The following IP6K3 variants were observed in gnomAD, a reference collection of about 807,000 sequenced individuals.
The protein encoded by IP6K3 is ATP:1D-myo-inositol-hexakisphosphate phosphotransferase.
IP6K3 carries 20 observed loss-of-function variants against 28.8 expected under a neutral mutation model. The ratio of observed to expected loss-of-function variants is 0.70; its 90% CI spans 0.49 to 1.01. The LOEUF is 1.01. Ranked by LOEUF, IP6K3 falls within the 50% of genes least tolerant of loss-of-function variation. IP6K3 has a pLI of 0.00. For missense variants in IP6K3, 480 were observed against 537.1 expected (o/e 0.89, Z 1.05); for synonymous variants, 213 against 221.3 (o/e 0.96, Z 0.33).
At chr6:33,723,962 G>A (rs1490697341) in intron 5 of IP6K3, among the ~76,000 whole-genome samples, 1 of 152,168 alleles carries the variant, frequency 6.6e-6, no homozygotes, top group African/African-American at 2.4e-5. Context: ...GGCAGCAGCT[G>A]AGGCTGAACT....
At chr6:33,755,949 C>G in the IP6K3 span, among the ~76,000 whole-genome samples, 1 of 152,236 alleles carries the variant, frequency 6.6e-6, no homozygotes, top group African/African-American at 2.4e-5. Context: ...ACTGCAACCT[C>G]CACCTCCTGG....
chr6:33,758,478 A>G, the IP6K3 span, among the ~76,000 whole-genome samples: 1 of 152,220 alleles, frequency 6.6e-6, no homozygotes, highest in African/African-American at 2.4e-5. Flanking sequence ...GTGAGCCATG[A>G]TGGCACCACT....
At position 33,722,912 on chromosome 6, in the gene IP6K3, C is replaced by T; in HGVS notation, c.1041G>A (p.Glu347=). The T allele has an allele frequency of 6.2e-7, 1 of 1,613,864 alleles. No homozygotes were observed. The highest frequency in any genetic ancestry group is 1.1e-5 in the South Asian group (1 of 91,048). ...AGCTACCGTGGGCTGCCTGGGGAGC[C>T]TCGTGAGGATGCGGGCTGCCTGGGG... ...ERAPGSPHPH[E]APQAAHGSSP... is the part of the protein sequence containing the mutation. Residue 347 remains glutamate (E), a synonymous_variant, in exon 6 of 6, where the codon GAG becomes GAA. Coordinates refer to ENST00000293756, the MANE Select transcript of IP6K3 (RefSeq NM_054111.5).
chr6:33,735,004 T>C (rs558256126), intron 2 of IP6K3, among the ~76,000 whole-genome samples: 2 of 152,262 alleles, frequency 1.3e-5, no homozygotes, highest in South Asian at 4.1e-4. Context: ...GGAGACTGGG[T>C]GGGACCAGGG....
At chr6:33,741,298 G>T (rs80289162) in intron 1 of IP6K3, among the ~76,000 whole-genome samples, 1 of 152,178 alleles carries the variant, frequency 6.6e-6, no homozygotes, top group Non-Finnish European at 1.5e-5. Flanking sequence ...CATCCTGCCT[G>T]ATGCACTAAC....
upstream of IP6K3, among the ~76,000 whole-genome samples, chr6:33,747,883 G>A (rs1766956483): frequency 1.3e-5 from 2 of 152,162 alleles, no homozygotes; most frequent in African/African-American, 4.8e-5. This position sits in a 1 kb window ranked among gnomAD's most constrained non-coding sequence, Gnocchi z 5.2. Flanking sequence ...AGCCTGGTTG[G>A]GAGAGGGGGC....
rs1004619965 is a variant in IP6K3 at position 33,744,759 on chromosome 6, A to G, written c.-180+1999T>C. Among the ~76,000 whole-genome samples the G allele has an allele frequency of 6.6e-6, 1 of 152,234 alleles. No homozygotes were observed. Among genetic ancestry groups the G allele is most frequent in the African/African-American group, 2.4e-5 (1 of 41,458 alleles). ...AGCTGAAGTTCTGCCTCCACCAGGC[A>G]GATGTTTTTGAAAAGCTCAGAAGCC... On this transcript the variant is annotated intron_variant, in intron 1 of 5. Coordinates refer to ENST00000293756, the MANE Select transcript of IP6K3 (RefSeq NM_054111.5). The surrounding 1 kb of genome is among the most constrained non-coding windows in gnomAD (Gnocchi z 4.4).
chr6:33,729,241 G>A (rs1561902536), intron 2 of IP6K3, among the ~76,000 whole-genome samples: 2 of 152,258 alleles, frequency 1.3e-5, no homozygotes, highest in South Asian at 2.1e-4. Context: ...CGTGGAGCTT[G>A]GCCTCCAGTG....
Position 33,742,322 on chromosome 6 carries a change from G to T in IP6K3, c.-180+4436C>A, listed in dbSNP as rs1766755519. Among the ~76,000 whole-genome samples, 1 of 152,190 alleles carries T rather than the reference G, an allele frequency of 6.6e-6. No homozygotes were observed. Among genetic ancestry groups the T allele is most frequent in the African/African-American group, 2.4e-5 (1 of 41,456 alleles). ...TGTCTCTGGGAGTCTCGGAGACCCA[G>T]GACCAAGACCCAAGTCAGGCTCTTA... On this transcript the variant is annotated intron_variant, in intron 1 of 5. Transcript: ENST00000293756. This position sits in a 1 kb window ranked among gnomAD's most constrained non-coding sequence, Gnocchi z 4.5.
At chr6:33,758,528 A>G in the IP6K3 span, among the ~76,000 whole-genome samples, 3 of 152,270 alleles carry the variant, frequency 2.0e-5, no homozygotes, top group South Asian at 4.2e-4. Flanking sequence ...AAAAGCAAAA[A>G]CAGAAACCTC....
intron 2 of IP6K3, among the ~76,000 whole-genome samples, chr6:33,732,108 T>C (rs1766342249): frequency 6.6e-6 from 1 of 152,240 alleles, no homozygotes; most frequent in African/African-American, 2.4e-5. Context: ...GGGTCAATTG[T>C]TAACCAACTG....
chr6:33,728,849 C>G (rs555081628), intron 2 of IP6K3, among the ~76,000 whole-genome samples: 3 of 152,336 alleles, frequency 2.0e-5, no homozygotes, highest in Admixed American at 2.0e-4. Flanking sequence ...CTCTCACAGC[C>G]TTCCAGGGCT....
rs185113370 is a variant in IP6K3 at position 33,733,101 on chromosome 6, C to T, written c.199+2177G>A. Among the ~76,000 whole-genome samples, 603 of 152,314 alleles carry T rather than the reference C, an allele frequency of 4.0e-3. 6 individuals carry two copies. The highest frequency in any genetic ancestry group is 0.013 in the African/African-American group (526 of 41,566). ...TCCACCTGCAGGCAGAGTAGGTGGC[C>T]GGCTAGGTGGTTTCTGAAGGGTGTC... On this transcript the variant is annotated intron_variant, in intron 2 of 5. Transcript: ENST00000293756.
chr6:33,747,495 T>G (rs1444130496), upstream of IP6K3, among the ~76,000 whole-genome samples: 1 of 152,084 alleles, frequency 6.6e-6, no homozygotes, highest in South Asian at 2.1e-4. This position sits in a 1 kb window ranked among gnomAD's most constrained non-coding sequence, Gnocchi z 5.2. Context: ...AGGATAAGTG[T>G]CTGGTGAGAG....
chr6:33,755,382 G>C, the IP6K3 span, among the ~76,000 whole-genome samples: 1 of 152,246 alleles, frequency 6.6e-6, no homozygotes, highest in African/African-American at 2.4e-5. Context: ...GGCAGTGACA[G>C]TGTCCCCAAG....
At chr6:33,733,885 G>A (rs1490260814) in intron 2 of IP6K3, among the ~76,000 whole-genome samples, 5 of 152,188 alleles carry the variant, frequency 3.3e-5, no homozygotes, top group East Asian at 1.9e-4. Flanking sequence ...TCCCCCTACC[G>A]GCATTAGGTC....
intron 2 of IP6K3, among the ~76,000 whole-genome samples, chr6:33,732,869 C>T (rs1270288089): frequency 6.6e-6 from 1 of 152,252 alleles, no homozygotes. Context: ...CATCTACGAG[C>T]AGACCTCAGC....
Position 33,721,964 on chromosome 6 carries a change from A to G in IP6K3, c.*756T>C, listed in dbSNP as rs1420662165. On this transcript the variant is annotated 3_prime_UTR_variant, in exon 6 of 6. Coordinates refer to ENST00000293756, the MANE Select transcript of IP6K3 (RefSeq NM_054111.5). Reference sequence around the variant, plus strand: ...TTTATGTGCGTTCACCCCCACTGCAAGCCGCGTCTCATGGTCAGAATGTGG... The same window carrying G: ...TTTATGTGCGTTCACCCCCACTGCAGGCCGCGTCTCATGGTCAGAATGTGG... 6.6e-6 allele frequency: 1 copy of G among 152,422 alleles called. No homozygotes were observed. The highest frequency in any genetic ancestry group is 1.5e-5 in the Non-Finnish European group (1 of 68,012). The allele number at this position is 152,422 out of a possible 1,614,324, so 9.4% of individuals were successfully genotyped here. A position where few individuals can be genotyped will look rare whatever the true frequency, so the allele number is the denominator to read the frequency against.
the IP6K3 span, among the ~76,000 whole-genome samples, chr6:33,756,613 T>G: frequency 3.9e-5 from 6 of 152,280 alleles, no homozygotes; most frequent in African/African-American, 1.2e-4. Flanking sequence ...AGCATGGAAC[T>G]TATTTCGTGT....
Sources: allele counts gnomAD v4.1 joint callset (sites outside exome capture counted in the v4.1 genomes callset), GRCh38; gene constraint gnomAD v4.1.1; non-coding constraint Gnocchi (gnomAD v3.1); transcripts MANE v1.5; gene names NCBI Gene and HGNC (gene_info 2026-07-23, HGNC 2026-07-21).